Variants in SPATS2L observed in about 807,000 individuals in gnomAD.
SPATS2L encodes the protein spermatogenesis associated serine rich 2 like, also known as SPATS2-like protein.
Under a neutral mutation model 59.6 loss-of-function variants are expected in SPATS2L, and 30 were observed. That is an observed-to-expected ratio of 0.50 (90% confidence interval 0.38 to 0.68). SPATS2L has a LOEUF of 0.68. Ranked by LOEUF, SPATS2L falls within the 30% of genes least tolerant of loss-of-function variation. The pLI is 0.00. For missense variants in SPATS2L, 615 were observed against 700.0 expected (o/e 0.88, Z 1.37); for synonymous variants, 252 against 263.5 (o/e 0.96, Z 0.42).
intron 3 of SPATS2L, among the ~76,000 whole-genome samples, chr2:200,394,424 G>C (rs543876466): frequency 6.6e-6 from 1 of 152,254 alleles, no homozygotes; most frequent in East Asian, 1.9e-4. Context: ...GGGCTTCTCT[G>C]CATTCTCCAC....
intron 9 of SPATS2L, among the ~76,000 whole-genome samples, chr2:200,460,533 CAGGAGATCGAGACCA>C (rs2086160678): frequency 6.6e-6 from 1 of 152,044 alleles, no homozygotes; most frequent in African/African-American, 2.4e-5. Context: ...ATCACAAGGT[CAGGAGATCGAGACCA>C]TCCTGGCTAA....
intron 3 of SPATS2L, among the ~76,000 whole-genome samples, chr2:200,406,150 A>T (rs759285787): frequency 6.6e-6 from 1 of 152,180 alleles, no homozygotes; most frequent in Non-Finnish European, 1.5e-5. Context: ...CTGTCAGTAG[A>T]GCAGGAAGTC....
intron 12 of SPATS2L, among the ~76,000 whole-genome samples, chr2:200,475,845 T>A (rs1252948783): frequency 6.6e-6 from 1 of 151,944 alleles, no homozygotes; most frequent in Non-Finnish European, 1.5e-5. Context: ...AGGTTTGATT[T>A]TCAAAAAAGG....
At chr2:200,367,892 A>T (rs1478246961) in intron 2 of SPATS2L, among the ~76,000 whole-genome samples, 1 of 152,234 alleles carries the variant, frequency 6.6e-6, no homozygotes, top group African/African-American at 2.4e-5. Flanking sequence ...TGTAGTTTAT[A>T]AACAATGTAG....
chr2:200,320,632 CAG>C (rs986308106), intron 1 of SPATS2L, among the ~76,000 whole-genome samples: 5 of 152,156 alleles, frequency 3.3e-5, no homozygotes, highest in African/African-American at 4.8e-5. Context: ...GTGACCATGA[CAG>C]AGAGAGCTCT....
At chr2:200,396,120 AAG>A (rs2082345830) in intron 3 of SPATS2L, among the ~76,000 whole-genome samples, 1 of 145,350 alleles carries the variant, frequency 6.9e-6, no homozygotes, top group African/African-American at 2.6e-5. Context: ...AAATGAGAAA[AAG>A]AACATAAAAG....
intron 9 of SPATS2L, among the ~76,000 whole-genome samples, chr2:200,462,025 AT>A (rs76421618): frequency 0.42 from 63,168 of 151,988 alleles, 13,815 homozygotes; most frequent in East Asian, 0.58. Flanking sequence ...AAATTATTTT[AT>A]TCTTATGAAA....
Position 200,472,876 on chromosome 2 carries a change from TC to T in SPATS2L, c.1108del (p.Leu370CysfsTer5). On this transcript the variant is annotated frameshift_variant, in exon 12 of 13. Coordinates refer to ENST00000409140, the MANE Select transcript of SPATS2L (RefSeq NM_001100423.2). LOFTEE classifies it high-confidence loss of function. ...CTATTCCTCAAGAACTCCCTGCAGC[TC>T]CCTGCTGCCTCTGCTGAATGCGCAC... ...NNYSSRTPCS[S>X]LLPLLNAHAA... 6.2e-7 allele frequency: 1 copy of T among 1,613,816 alleles called. No individual in the cohort carries two copies. The highest frequency in any genetic ancestry group is 8.5e-7 in the Non-Finnish European group (1 of 1,179,850).
chr2:200,419,835 C>G (rs937416513), intron 6 of SPATS2L, among the ~76,000 whole-genome samples: 1 of 151,784 alleles, frequency 6.6e-6, no homozygotes, highest in African/African-American at 2.4e-5. Context: ...CTTGGCATCC[C>G]AAAGTGCTGG....
intron 8 of SPATS2L, among the ~76,000 whole-genome samples, chr2:200,451,131 C>A (rs549915622): frequency 7.9e-5 from 12 of 152,088 alleles, no homozygotes; most frequent in African/African-American, 2.7e-4. Flanking sequence ...CCAACCTGGA[C>A]AACATGGAAA....
chr2:200,368,754 G>A lies in SPATS2L; in HGVS notation c.-22-20469G>A, dbSNP rs193194346. Among the ~76,000 whole-genome samples the A allele has an allele frequency of 3.7e-4, 56 of 152,146 alleles. 1 individual carries two copies. In the South Asian group the frequency reaches 0.011, roughly 29 times the overall value. ...AAGAAGAAGATATAGTTCTATAGCC[G>A]GAGACTCTGAAAGAGAAGATGACTG... is the stretch of plus-strand genomic sequence containing the variant. On this transcript the variant is annotated intron_variant, in intron 2 of 12. Transcript: ENST00000409140.
chr2:200,384,031 T>C (rs1429495476), intron 2 of SPATS2L: 2 of 999,190 alleles, frequency 2.0e-6, no homozygotes, highest in Non-Finnish European at 2.4e-6. Flanking sequence ...AGTACATTGA[T>C]AGAACTTTGC....
At chr2:200,376,065 T>TGGA (rs2081588844) in intron 2 of SPATS2L, among the ~76,000 whole-genome samples, 1 of 152,206 alleles carries the variant, frequency 6.6e-6, no homozygotes, top group Non-Finnish European at 1.5e-5. Context: ...TTCCTTTCTT[T>TGGA]CCATGTGTCT....
intron 2 of SPATS2L, among the ~76,000 whole-genome samples, chr2:200,344,003 G>T (rs941802479): frequency 2.0e-5 from 3 of 151,422 alleles, no homozygotes; most frequent in Non-Finnish European, 2.9e-5. Context: ...AACATATACT[G>T]CTTTCATAAT....
At chr2:200,369,648 A>C (rs1350527242) in intron 2 of SPATS2L, among the ~76,000 whole-genome samples, 3 of 152,084 alleles carry the variant, frequency 2.0e-5, no homozygotes, top group African/African-American at 7.2e-5. Flanking sequence ...AGTATAATAT[A>C]TAAAAAAATC....
intron 2 of SPATS2L, among the ~76,000 whole-genome samples, chr2:200,368,327 T>C (rs1237792059): frequency 6.6e-6 from 1 of 152,194 alleles, no homozygotes; most frequent in Non-Finnish European, 1.5e-5. Context: ...TTGGTATAAT[T>C]TAGTTCTGCT....
rs1054158148 is a variant in SPATS2L, at chr2:200,481,175, C to T, written c.*3144C>T. The T allele has an allele frequency of 3.3e-5, 5 of 152,238 alleles. No homozygotes were observed. The highest frequency in any genetic ancestry group is 1.2e-4 in the African/African-American group (5 of 41,456). 9.4% of individuals were successfully genotyped at this position (152,238 alleles called of 1,614,324 possible). A position where few individuals can be genotyped will look rare whatever the true frequency, so the allele number is the denominator to read the frequency against. On this transcript the variant is annotated 3_prime_UTR_variant, in exon 13 of 13. Transcript: ENST00000409140. ...AACGCAAATTGCTGCAAAATTCACCCTCAGTGGAGGACTAGAAACACAACA... is the reference window on the plus strand; with the variant it reads ...AACGCAAATTGCTGCAAAATTCACCTTCAGTGGAGGACTAGAAACACAACA...
intron 4 of SPATS2L, among the ~76,000 whole-genome samples, chr2:200,414,936 C>T (rs2083005845): frequency 1.3e-5 from 2 of 152,316 alleles, no homozygotes; most frequent in South Asian, 4.1e-4. Context: ...CTCACCACCA[C>T]TTTCTGATTA....
intron 8 of SPATS2L, 65 bp from the exon 9 acceptor site, chr2:200,459,704 C>T: frequency 8.2e-7 from 1 of 1,215,374 alleles, no homozygotes; most frequent in Non-Finnish European, 1.2e-6. Flanking sequence ...ACTTTCAGTG[C>T]TTATTAAAAG....
Sources: gnomAD v4.1 joint callset for allele counts (sites outside exome capture counted in the v4.1 genomes callset) on GRCh38, gnomAD v4.1.1 for gene constraint, MANE v1.5 for transcripts, NCBI Gene and HGNC (gene_info 2026-07-23, HGNC 2026-07-21) for gene names.